NEDD9: variants seen among roughly 807,000 people sequenced by gnomAD.
NEDD9 encodes enhancer of filamentation 1.
NEDD9 carries 26 observed loss-of-function variants against 76.6 expected under a neutral mutation model. That is an observed-to-expected ratio of 0.34 (90% confidence interval 0.25 to 0.47). The LOEUF is 0.47. Among genes scored for constraint, NEDD9 ranks in the 20% least tolerant of loss-of-function variants. The pLI, the probability that NEDD9 is intolerant of heterozygous loss-of-function variation, is 1.00. For synonymous variants in NEDD9, 392 were observed against 414.2 expected (o/e 0.95, Z 0.65); for missense variants, 937 against 1,058.5 (o/e 0.89, Z 1.59).
At chr6:11,374,703 G>T (rs375286644) in intron 1 of NEDD9, among the ~76,000 whole-genome samples, 4 of 152,310 alleles carry the variant, frequency 2.6e-5, no homozygotes, top group African/African-American at 9.6e-5. Context: ...TTCTCTTCAG[G>T]ATCAAGCAAA....
chr6:11,235,837 G>T (rs1317095954), upstream of NEDD9, among the ~76,000 whole-genome samples: 1 of 152,182 alleles, frequency 6.6e-6, no homozygotes, highest in Non-Finnish European at 1.5e-5. The surrounding 1 kb of genome is among the most constrained non-coding windows in gnomAD (Gnocchi z 4.1). Flanking sequence ...GCTGGATGGA[G>T]AGGATGAGCT....
At chr6:11,307,320 T>G (rs541272478) in intron 2 of NEDD9, among the ~76,000 whole-genome samples, 2 of 152,260 alleles carry the variant, frequency 1.3e-5, no homozygotes, top group Admixed American at 1.3e-4. Flanking sequence ...AACGCAGTAT[T>G]TATAGTCTTG....
intron 1 of NEDD9, among the ~76,000 whole-genome samples, chr6:11,357,220 T>C (rs1024197164): frequency 6.6e-6 from 1 of 152,188 alleles, no homozygotes; most frequent in African/African-American, 2.4e-5. Context: ...TCTAACCCTT[T>C]ACTCCTGTGG....
chr6:11,185,496 T>A lies in NEDD9; in HGVS notation c.2171A>T (p.Asn724Ile), dbSNP rs754090293. 6.2e-7 allele frequency: 1 copy of A among 1,613,994 alleles called. No homozygotes were observed. Among genetic ancestry groups the A allele is most frequent in the Non-Finnish European group, 8.5e-7 (1 of 1,180,012 alleles). The change falls in exon 7 of 7, where the codon AAC (asparagine) becomes ATC (isoleucine). Residue 724 changes from asparagine (N) to isoleucine (I), a missense_variant. Transcript: ENST00000379446. ...ACAACTGAAGAGTGCGTCAATGGCG[T>A]TGAGAAGGGAAATGAAATGGGTCTC... ...QCETHFISLL[N>I]AIDALFSCVS...
intron 2 of NEDD9, among the ~76,000 whole-genome samples, chr6:11,323,209 G>A (rs936322989): frequency 3.9e-5 from 6 of 152,182 alleles, no homozygotes; most frequent in East Asian, 3.9e-4. Context: ...GACTTTCAAG[G>A]CTGATCTAAC....
intron 3 of NEDD9, among the ~76,000 whole-genome samples, chr6:11,257,074 A>G (rs1298695348): frequency 6.6e-6 from 1 of 152,200 alleles, no homozygotes; most frequent in African/African-American, 2.4e-5. Context: ...AAGTATGGCC[A>G]TTGGACTCTT....
chr6:11,333,018 A>G (rs1468380203), intron 2 of NEDD9, among the ~76,000 whole-genome samples: 2 of 145,056 alleles, frequency 1.4e-5, no homozygotes, highest in Non-Finnish European at 3.0e-5. Context: ...TGGTCCATAC[A>G]CTTCAGAAAA....
At position 11,189,981 on chromosome 6, in the gene NEDD9, C is replaced by T. The variant is rs1467180635; in HGVS notation, c.1888G>A (p.Asp630Asn). 4 of 1,517,714 alleles carry T rather than the reference C, an allele frequency of 2.6e-6. No individual in the cohort carries two copies. The highest frequency in any genetic ancestry group is 2.8e-5 in the African/African-American group (2 of 71,808). The allele number at this position is 1,517,714 out of a possible 1,614,324, so 94.0% of individuals were successfully genotyped here. Residue 630 changes from aspartate to asparagine, a missense_variant, in exon 5 of 7, where the codon GAT (aspartate) becomes AAT (asparagine). Coordinates refer to ENST00000379446, the MANE Select transcript of NEDD9 (RefSeq NM_006403.4). ...TGTTTTACCTGTAGGTGGACGTAATCGTAGTCATCCATCCAGCTCCTCTCA... is the reference window on the plus strand; with the variant it reads ...TGTTTTACCTGTAGGTGGACGTAATTGTAGTCATCCATCCAGCTCCTCTCA... ...GSERSWMDDY[D>N]YVHLQGKEEF...
intron 1 of NEDD9, chr6:11,352,194 A>G (rs1344252619): frequency 6.6e-6 from 1 of 152,186 alleles, no homozygotes; most frequent in Non-Finnish European, 1.5e-5. Context: ...AACATGTCTA[A>G]TCCCTTCTCC....
intron 3 of NEDD9, among the ~76,000 whole-genome samples, chr6:11,270,606 T>C (rs982111576): frequency 6.6e-6 from 1 of 152,180 alleles, no homozygotes; most frequent in African/African-American, 2.4e-5. Flanking sequence ...TTATCACTAA[T>C]AGCAACATCC....
At chr6:11,200,966 C>A (rs758389615) in intron 2 of NEDD9, 2 of 1,614,256 alleles carry the variant, frequency 1.2e-6, no homozygotes, top group African/African-American at 1.3e-5. Context: ...CAGATGAGAT[C>A]TTTTCAGTGG....
At chr6:11,244,024 T>C (rs1282035289) in intron 3 of NEDD9, among the ~76,000 whole-genome samples, 1 of 152,174 alleles carries the variant, frequency 6.6e-6, no homozygotes, top group Non-Finnish European at 1.5e-5. Context: ...TCAGTAGACT[T>C]TGAGTAAAGT....
chr6:11,213,529 C>T lies in NEDD9; in HGVS notation c.211G>A (p.Ala71Thr). The T allele has an allele frequency of 2.5e-6, 4 of 1,614,178 alleles. No homozygotes were observed. Among genetic ancestry groups the T allele is most frequent in the Non-Finnish European group, 3.4e-6 (4 of 1,180,038 alleles). Residue 71 changes from alanine (A) to threonine (T), a missense_variant, in exon 2 of 7, where the codon GCC (alanine) becomes ACC (threonine). By Grantham distance (58) the Ala-to-Thr change is moderately conservative (BLOSUM62 0). Transcript: ENST00000379446. The surrounding 1 kb of genome is among the most constrained non-coding windows in gnomAD (Gnocchi z 5.4). ...GAGGCAGGCTGCTCGTGACTGGAGG[C>T]AGTCTCCTGCATGGGACCAATCAGA... ...KLLIGPMQETASSHEQPASGL... is the reference protein window; with the variant it reads ...KLLIGPMQETTSSHEQPASGL...
At position 11,253,847 on chromosome 6, in the gene NEDD9, C is replaced by T. The variant is rs143015267; in HGVS notation, c.13-40120G>A. On this transcript the variant is annotated intron_variant, in intron 3 of 3. Transcript: ENST00000397378. The stretch of plus-strand genomic sequence containing the variant: ...CTCAGGCAGTGATATTATAGACAGG[C>T]AGACAAACAAGGATACAGTGAGAAG... 3.8e-3 allele frequency among the ~76,000 whole-genome samples: 573 copies of T among 152,252 alleles called. 2 individuals are homozygous for T. The highest frequency in any genetic ancestry group is 0.013 in the African/African-American group (554 of 41,532).
intron 3 of NEDD9, among the ~76,000 whole-genome samples, chr6:11,278,369 A>C (rs1168801775): frequency 1.3e-5 from 2 of 152,048 alleles, no homozygotes; most frequent in African/African-American, 4.8e-5. Flanking sequence ...TCCTTCCAAC[A>C]CTTATAGATG....
intron 3 of NEDD9, among the ~76,000 whole-genome samples, chr6:11,300,561 T>G (rs541583987): frequency 6.6e-6 from 1 of 152,166 alleles, no homozygotes; most frequent in Admixed American, 6.5e-5. Context: ...CACATAATTG[T>G]CAGATTCACC....
chr6:11,279,362 C>T (rs758756381), intron 3 of NEDD9, among the ~76,000 whole-genome samples: 10 of 152,168 alleles, frequency 6.6e-5, no homozygotes, highest in Non-Finnish European at 1.5e-4. Flanking sequence ...GGCCCTAATG[C>T]GGGTGCTTGG....
Position 11,185,384 on chromosome 6 carries a change from G to T in NEDD9, c.2283C>A (p.Asp761Glu). The T allele has an allele frequency of 6.2e-7, 1 of 1,614,232 alleles. No homozygotes were observed. The highest frequency in any genetic ancestry group is 8.5e-7 in the Non-Finnish European group (1 of 1,180,038). ...GGGCAGTCACCTGCCGTGTCAGCGTGTCTCCAATGAACACCAGTTTGTGTG... is the reference window on the plus strand; with the variant it reads ...GGGCAGTCACCTGCCGTGTCAGCGTTTCTCCAATGAACACCAGTTTGTGTG... ...LSAHKLVFIG[D>E]TLTRQVTAQD... Residue 761 changes from aspartate (D) to glutamate (E), a missense_variant, in exon 7 of 7, where the codon GAC becomes GAA. Transcript: ENST00000379446.
chr6:11,332,191 T>C (rs899163767), intron 2 of NEDD9, among the ~76,000 whole-genome samples: 35 of 152,218 alleles, frequency 2.3e-4, no homozygotes, highest in East Asian at 1.9e-4. Context: ...GTCCTTGATC[T>C]TTTTGCAACC....
Sources: allele counts gnomAD v4.1 joint callset (sites outside exome capture counted in the v4.1 genomes callset), GRCh38; gene constraint gnomAD v4.1.1; non-coding constraint Gnocchi (gnomAD v3.1); transcripts MANE v1.5; gene names NCBI Gene and HGNC (gene_info 2026-07-23, HGNC 2026-07-21).